ROBO2: variants seen among roughly 807,000 people sequenced by gnomAD.
ROBO2 encodes roundabout homolog 2.
A neutral mutation model predicts 160.8 loss-of-function variants in ROBO2; 53 were observed. The ratio of observed to expected loss-of-function variants is 0.33; its 90% CI spans 0.26 to 0.41. The LOEUF (loss-of-function observed/expected upper bound fraction) is 0.41, where lower values mean the gene tolerates loss of function less well. Ranked by LOEUF, ROBO2 falls within the 10% of genes least tolerant of loss-of-function variation. The pLI is 1.00. For synonymous variants in ROBO2, 664 were observed against 611.7 expected, an observed-to-expected ratio of 1.09 and a Z score of -1.26; for missense variants, 1,577 against 1,722.4, an observed-to-expected ratio of 0.92 and a Z score of 1.49.
At chr3:76,103,446 T>C (rs1051054888) in intron 2 of ROBO2, among the ~76,000 whole-genome samples, 1 of 152,240 alleles carries the variant, frequency 6.6e-6, no homozygotes, top group Non-Finnish European at 1.5e-5. Context: ...AGTTGGAGTC[T>C]GCAACGCACC....
At chr3:77,453,402 G>A (rs2081311976) in intron 2 of ROBO2, among the ~76,000 whole-genome samples, 1 of 150,846 alleles carries the variant, frequency 6.6e-6, no homozygotes. Context: ...CAATCTCAAT[G>A]GCTAGTCATA....
intron 2 of ROBO2, among the ~76,000 whole-genome samples, chr3:76,778,132 G>A (rs994735636): frequency 2.0e-5 from 3 of 151,070 alleles, no homozygotes; most frequent in African/African-American, 7.3e-5. Flanking sequence ...GAAGTGGTGA[G>A]CCTCCCCTGC....
At chr3:76,596,307 T>A (rs1441177638) in intron 2 of ROBO2, among the ~76,000 whole-genome samples, 2 of 152,122 alleles carry the variant, frequency 1.3e-5, no homozygotes, top group African/African-American at 4.8e-5. Flanking sequence ...TATTATTGTG[T>A]TAATACAACC....
exon 1 of ROBO2, chr3:75,906,756 G>C (rs1313365980): frequency 6.6e-6 from 1 of 152,352 alleles, no homozygotes; most frequent in Admixed American, 6.5e-5. Flanking sequence ...GAGCGCGGTA[G>C]CTGCAGGCAG....
intron 1 of ROBO2, among the ~76,000 whole-genome samples, chr3:77,053,383 C>G (rs1388560794): frequency 6.6e-6 from 1 of 152,098 alleles, no homozygotes; most frequent in African/African-American, 2.4e-5. Context: ...TCTGTATATA[C>G]TCATGCTCAT....
chr3:77,537,101 G>GC (rs1463961079), intron 6 of ROBO2, among the ~76,000 whole-genome samples: 1 of 141,732 alleles, frequency 7.1e-6, no homozygotes, highest in Non-Finnish European at 1.5e-5. Context: ...ATATTTTGTG[G>GC]GGGGGGGGTG....
At chr3:76,311,485 G>C (rs942923373) in intron 2 of ROBO2, 1 of 152,194 alleles carries the variant, frequency 6.6e-6, no homozygotes, top group Non-Finnish European at 1.5e-5. Context: ...GCTAACTTAA[G>C]GACAGCTGAG....
At chr3:77,300,848 A>T in intron 2 of ROBO2, among the ~76,000 whole-genome samples, 1 of 30,650 alleles carries the variant, frequency 3.3e-5, no homozygotes, top group South Asian at 9.0e-4. Flanking sequence ...ATAATAGACT[A>T]TTTATTTATT....
At chr3:76,380,219 T>C (rs1559851399) in intron 2 of ROBO2, among the ~76,000 whole-genome samples, 1 of 152,174 alleles carries the variant, frequency 6.6e-6, no homozygotes, top group Non-Finnish European at 1.5e-5. Context: ...TAATGTATTT[T>C]AATACATTCA....
chr3:76,241,986 G>T (rs1323386066), intron 2 of ROBO2, among the ~76,000 whole-genome samples: 1 of 152,126 alleles, frequency 6.6e-6, no homozygotes, highest in Non-Finnish European at 1.5e-5. Context: ...TATAAATAAA[G>T]TATGTTGAGT....
At chr3:76,270,035 C>T (rs1707336350) in intron 2 of ROBO2, among the ~76,000 whole-genome samples, 1 of 151,980 alleles carries the variant, frequency 6.6e-6, no homozygotes, top group Non-Finnish European at 1.5e-5. Flanking sequence ...TTTATACAAT[C>T]TCTTTTTTTA....
At chr3:76,803,995 A>G (rs2064462579) in intron 2 of ROBO2, among the ~76,000 whole-genome samples, 1 of 152,244 alleles carries the variant, frequency 6.6e-6, no homozygotes, top group Non-Finnish European at 1.5e-5. Context: ...AAGCAGAGTG[A>G]TGAACTAATA....
At chr3:77,242,780 G>T (rs2151381264) in intron 2 of ROBO2, among the ~76,000 whole-genome samples, 1 of 151,620 alleles carries the variant, frequency 6.6e-6, no homozygotes, top group African/African-American at 2.4e-5. Context: ...ACTTTATTAG[G>T]AAGTCTACTT....
intron 2 of ROBO2, among the ~76,000 whole-genome samples, chr3:77,342,107 A>G (rs2067129328): frequency 6.6e-6 from 1 of 152,164 alleles, no homozygotes; most frequent in Non-Finnish European, 1.5e-5. Flanking sequence ...CAAACATACT[A>G]TAGATATTCT....
intron 2 of ROBO2, among the ~76,000 whole-genome samples, chr3:77,444,761 T>C (rs1022635595): frequency 1.3e-5 from 2 of 152,106 alleles, no homozygotes; most frequent in Non-Finnish European, 2.9e-5. Context: ...TCCCAGGCTT[T>C]GGGAGTTTGG....
chr3:76,585,070 A>G (rs1466212605), intron 2 of ROBO2, among the ~76,000 whole-genome samples: 3 of 152,214 alleles, frequency 2.0e-5, no homozygotes, highest in African/African-American at 7.2e-5. Flanking sequence ...AATGAAAATA[A>G]TAGCAATCGC....
In ROBO2 at chr3:76,088,740, G is replaced by A. The variant is rs554605924; in HGVS notation, c.109+151138G>A. 3.9e-5 allele frequency among the ~76,000 whole-genome samples: 6 copies of A among 152,176 alleles called. No homozygotes were observed. The South Asian group carries it at 1.0e-3, about 26-fold the overall frequency. On this transcript the variant is annotated intron_variant, in intron 2 of 26. Coordinates refer to the ROBO2 transcript ENST00000487694. ...AAGCAATTTATGAGGGAAATTTACAGCATCGAATGAATGTGTTAGAAAAGA... is the reference window on the plus strand; with the variant it reads ...AAGCAATTTATGAGGGAAATTTACAACATCGAATGAATGTGTTAGAAAAGA...
chr3:77,211,329 G>C (rs887587667), intron 2 of ROBO2, among the ~76,000 whole-genome samples: 6 of 152,092 alleles, frequency 3.9e-5, no homozygotes, highest in African/African-American at 9.7e-5. Context: ...TTGCATTTCT[G>C]TGATGGCCAG....
chr3:77,622,160 T>G, intron 22 of ROBO2, 67 bp from the exon 24 acceptor site: 1 of 1,418,314 alleles, frequency 7.1e-7, no homozygotes, highest in Middle Eastern at 2.1e-4. Context: ...ATGCATTTAA[T>G]TAAAATTATG....
Sources: allele counts gnomAD v4.1 joint callset (sites outside exome capture counted in the v4.1 genomes callset), GRCh38; gene constraint gnomAD v4.1.1; transcripts MANE v1.5; gene names NCBI Gene and HGNC (gene_info 2026-07-23, HGNC 2026-07-21).